The following ACTC1 variants were observed in gnomAD, a reference collection of about 807,000 sequenced individuals.
ACTC1 encodes the protein actin alpha cardiac muscle 1.
Under a neutral mutation model 31.6 loss-of-function variants are expected in ACTC1, and 10 were observed. That is an observed-to-expected ratio of 0.32 (90% CI 0.19 to 0.54). The LOEUF (loss-of-function observed/expected upper bound fraction) is 0.54. Among genes scored for constraint, ACTC1 ranks in the 20% least tolerant of loss-of-function variants. The pLI, the probability that ACTC1 is intolerant of heterozygous loss-of-function variation, is 0.95. For missense variants in ACTC1, 129 were observed against 506.4 expected (o/e 0.25, Z 7.15); for synonymous variants, 196 against 185.0 (o/e 1.06, Z -0.48).
chr15:34,793,704 C>A lies in ACTC1; in HGVS notation c.130-135G>T. ...AGAAATAACAAGCAATACGATTTTA[C>A]CCCAATTTAGAAGAATTATTTAAAA... On this transcript the variant is annotated intron_variant, in intron 2 of 6. Transcript: ENST00000290378. This position sits in a 1 kb window ranked among gnomAD's most constrained non-coding sequence, Gnocchi z 4.8. 1 of 815,758 alleles carries A rather than the reference C, an allele frequency of 1.2e-6. No homozygotes were observed. Among genetic ancestry groups the A allele is most frequent in the Non-Finnish European group, 2.0e-6 (1 of 503,454 alleles). The allele number at this position is 815,758 out of a possible 1,614,324, so 50.5% of individuals were successfully genotyped here. A position where few individuals can be genotyped will look rare whatever the true frequency, so the allele number is the denominator to read the frequency against.
chr15:34,792,344 GC>G lies in ACTC1; in HGVS notation c.616+63del. On this transcript the variant is annotated intron_variant, in intron 4 of 6. Coordinates refer to ENST00000290378, the MANE Select transcript of ACTC1 (RefSeq NM_005159.5). The surrounding 1 kb of genome is among the most constrained non-coding windows in gnomAD (Gnocchi z 5.3). The stretch of plus-strand genomic sequence containing the variant: ...CAAGAAGTCAATTATAGGGAGGTAG[GC>G]GGATTCAGTGAGAGAGGAGGAAAGC... 1.2e-6 allele frequency: 2 copies of G among 1,613,924 alleles called. No individual in the cohort carries two copies. Among genetic ancestry groups the G allele is most frequent in the Non-Finnish European group, 1.7e-6 (2 of 1,179,778 alleles).
In ACTC1 at chr15:34,793,125, C is replaced by A. The variant is rs1891741384; in HGVS notation, c.454+120G>T. 10 of 1,040,276 alleles carry A rather than the reference C, an allele frequency of 9.6e-6. No individual in the cohort carries two copies. Among genetic ancestry groups the A allele is most frequent in the Non-Finnish European group, 1.3e-5 (9 of 689,714 alleles). The allele number at this position is 1,040,276 out of a possible 1,614,324, so 64.4% of individuals were successfully genotyped here. On this transcript the variant is annotated intron_variant, in intron 3 of 6. Transcript: ENST00000290378. The surrounding 1 kb of genome is among the most constrained non-coding windows in gnomAD (Gnocchi z 4.8). ...TGTTAACTCTTTCTCTTAGCACAGA[C>A]CTTGCTAGGGAATGGGAGGAAAGGG... is the stretch of plus-strand genomic sequence containing the variant.
rs576925720 is a variant in ACTC1 at position 34,792,964 on chromosome 15, G to C, written c.454+281C>G. On this transcript the variant is annotated intron_variant, in intron 3 of 6. Transcript: ENST00000290378. The surrounding 1 kb of genome is among the most constrained non-coding windows in gnomAD (Gnocchi z 5.3). The stretch of plus-strand genomic sequence containing the variant: ...GGGATGCTTGCCCAGGTGATGTGAT[G>C]GTTTAAACACATAACAATGACTGCT... 49 of 538,314 alleles carry C rather than the reference G, an allele frequency of 9.1e-5. No individual in the cohort carries two copies. The highest frequency in any genetic ancestry group is 8.0e-4 in the African/African-American group (42 of 52,662). The allele number at this position is 538,314 out of a possible 1,614,324, so 33.3% of individuals were successfully genotyped here.
In ACTC1 at chr15:34,790,259, A is replaced by C; in HGVS notation, c.*153T>G. Reference sequence around the variant, plus strand: ...TTGCAAGTCCTGGTCTGGTTTATTTATAAAGCAATAAATATTAGAAGCACA... The same window carrying C: ...TTGCAAGTCCTGGTCTGGTTTATTTCTAAAGCAATAAATATTAGAAGCACA... On this transcript the variant is annotated 3_prime_UTR_variant, in exon 7 of 7. Transcript: ENST00000290378. 1 of 1,074,828 alleles carries C rather than the reference A, an allele frequency of 9.3e-7. No individual in the cohort carries two copies. The highest frequency in any genetic ancestry group is 1.6e-5 in the African/African-American group (1 of 63,882). 66.6% of individuals were successfully genotyped at this position (1,074,828 alleles called of 1,614,324 possible).
Position 34,792,841 on chromosome 15 carries a change from A to G in ACTC1, c.455-272T>C, listed in dbSNP as rs1009201534. On this transcript the variant is annotated intron_variant, in intron 3 of 6. Coordinates refer to ENST00000290378, the MANE Select transcript of ACTC1 (RefSeq NM_005159.5). This position sits in a 1 kb window ranked among gnomAD's most constrained non-coding sequence, Gnocchi z 5.3. ...CATCTTTCTTGTCAGCCACGAGCACATTATGTAAGCACCCAAGGGTGTTTT... is the reference window on the plus strand; with the variant it reads ...CATCTTTCTTGTCAGCCACGAGCACGTTATGTAAGCACCCAAGGGTGTTTT... The G allele has an allele frequency of 7.5e-6, 4 of 533,106 alleles. No individual in the cohort carries two copies. In the Admixed American group the frequency reaches 1.3e-4, roughly 17 times the overall value. 33.0% of individuals were successfully genotyped at this position (533,106 alleles called of 1,614,324 possible).
At chr15:34,795,351 TAA>T (rs3059225) in intron 1 of ACTC1, among the ~76,000 whole-genome samples, 153 bp downstream of exon 1, 82 of 136,510 alleles carry the variant, frequency 6.0e-4, no homozygotes, top group Non-Finnish European at 7.5e-4. Flanking sequence ...GTGTGGGCTT[TAA>T]AAAAAAAAAA....
chr15:34,792,634 G>A lies in ACTC1; in HGVS notation c.455-65C>T. The A allele has an allele frequency of 6.4e-7, 1 of 1,566,908 alleles. No individual in the cohort carries two copies. Among genetic ancestry groups the A allele is most frequent in the Non-Finnish European group, 8.8e-7 (1 of 1,138,340 alleles). ...GGACAACACCACTGCTCTAGCCACG[G>A]CAAAGCCCGCTTCCAATCTTGGCTA... On this transcript the variant is annotated intron_variant, in intron 3 of 6. Coordinates refer to ENST00000290378, the MANE Select transcript of ACTC1 (RefSeq NM_005159.5). The surrounding 1 kb of genome is among the most constrained non-coding windows in gnomAD (Gnocchi z 5.3).
At chr15:34,791,378 G>C (rs1595760467) in intron 5 of ACTC1, 83 bp from the exon 6 acceptor site, 1 of 1,551,608 alleles carries the variant, frequency 6.4e-7, no homozygotes, top group East Asian at 2.3e-5. Flanking sequence ...GGTCAAGGTA[G>C]AGGGAAGAGA....
At chr15:34,794,623 T>C in intron 2 of ACTC1, 57 bp downstream of exon 2, 1 of 1,578,202 alleles carries the variant, frequency 6.3e-7, no homozygotes, top group Non-Finnish European at 8.6e-7. Flanking sequence ...AGCCATTTCC[T>C]AGATCGCTGG....
chr15:34,791,466 T>C (rs1891707319), intron 5 of ACTC1, among the ~76,000 whole-genome samples, 171 bp from the exon 6 acceptor site: 1 of 151,920 alleles, frequency 6.6e-6, no homozygotes, highest in Non-Finnish European at 1.5e-5. Context: ...CACTGCAGGG[T>C]GGAATGGGTG....
At chr15:34,790,816 T>C (rs926746146) in intron 6 of ACTC1, among the ~76,000 whole-genome samples, 7 of 152,224 alleles carry the variant, frequency 4.6e-5, no homozygotes, top group East Asian at 1.9e-4. Flanking sequence ...ACAAGCTAAA[T>C]GTGTAGTGGA....
Position 34,793,607 on chromosome 15 carries a change from A to G in ACTC1, c.130-38T>C, listed in dbSNP as rs1891754845. The G allele has an allele frequency of 6.4e-7, 1 of 1,574,354 alleles. No individual in the cohort carries two copies. The highest frequency in any genetic ancestry group is 2.2e-5 in the East Asian group (1 of 44,628). On this transcript the variant is annotated intron_variant, in intron 2 of 6. Coordinates refer to ENST00000290378, the MANE Select transcript of ACTC1 (RefSeq NM_005159.5). The surrounding 1 kb of genome is among the most constrained non-coding windows in gnomAD (Gnocchi z 4.8). Reference sequence around the variant, plus strand: ...AAAATGAGAAAATCATGCTCTCACCATGTCAGGAATATAATCAGTGTCTTG... The same window carrying G: ...AAAATGAGAAAATCATGCTCTCACCGTGTCAGGAATATAATCAGTGTCTTG...
chr15:34,791,860 G>A (rs186732149), intron 5 of ACTC1: 104 of 558,764 alleles, frequency 1.9e-4, no homozygotes, highest in Non-Finnish European at 2.7e-4. Context: ...ACTACTCTGT[G>A]TCATCCTTTA....
In ACTC1 at chr15:34,793,667, T is replaced by C. The variant is rs1595761551; in HGVS notation, c.130-98A>G. 1.8e-6 allele frequency: 2 copies of C among 1,106,236 alleles called. No homozygotes were observed. The highest frequency in any genetic ancestry group is 5.0e-5 in the East Asian group (2 of 40,022). 68.5% of individuals were successfully genotyped at this position (1,106,236 alleles called of 1,614,324 possible). A position where few individuals can be genotyped will look rare whatever the true frequency, so the allele number is the denominator to read the frequency against. ...ATCTAACTGCCCAAGTCAAGGAACA[T>C]ATTTAAATACCAGAAATAACAAGCA... On this transcript the variant is annotated intron_variant, in intron 2 of 6. Transcript: ENST00000290378. The surrounding 1 kb of genome is among the most constrained non-coding windows in gnomAD (Gnocchi z 4.8).
At position 34,792,676 on chromosome 15, in the gene ACTC1, G is replaced by C; in HGVS notation, c.455-107C>G. The C allele has an allele frequency of 8.5e-7, 1 of 1,179,432 alleles. No homozygotes were observed. The highest frequency in any genetic ancestry group is 1.3e-6 in the Non-Finnish European group (1 of 797,038). 73.1% of individuals were successfully genotyped at this position (1,179,432 alleles called of 1,614,324 possible). A position where few individuals can be genotyped will look rare whatever the true frequency, so the allele number is the denominator to read the frequency against. On this transcript the variant is annotated intron_variant, in intron 3 of 6. Transcript: ENST00000290378. The surrounding 1 kb of genome is among the most constrained non-coding windows in gnomAD (Gnocchi z 5.3). ...TCTTGGCTAAGAGATGCTAGCAATGGGCATTGATCCAGATAAAATTAGATT... is the reference window on the plus strand; with the variant it reads ...TCTTGGCTAAGAGATGCTAGCAATGCGCATTGATCCAGATAAAATTAGATT...
At chr15:34,791,339 A>AT in intron 5 of ACTC1, 44 bp from the exon 6 acceptor site, 1 of 1,007,134 alleles carries the variant, frequency 9.9e-7, no homozygotes, top group Non-Finnish European at 1.4e-6. Flanking sequence ...ACACACACAC[A>AT]CACACACACA....
chr15:34,793,087 C>T lies in ACTC1; in HGVS notation c.454+158G>A, dbSNP rs1401443890. On this transcript the variant is annotated intron_variant, in intron 3 of 6. Coordinates refer to ENST00000290378, the MANE Select transcript of ACTC1 (RefSeq NM_005159.5). This position sits in a 1 kb window ranked among gnomAD's most constrained non-coding sequence, Gnocchi z 4.8. ...ACAATAATTGTGCTCCGAAACTAAC[C>T]TCAGGGCACTACTGTTAACTCTTTC... Among the ~76,000 whole-genome samples the T allele has an allele frequency of 6.6e-6, 1 of 152,194 alleles. No homozygotes were observed. Among genetic ancestry groups the T allele is most frequent in the African/African-American group, 2.4e-5 (1 of 41,446 alleles).
chr15:34,795,312 G>C (rs891819587), intron 1 of ACTC1, among the ~76,000 whole-genome samples, 194 bp downstream of exon 1: 2 of 148,866 alleles, frequency 1.3e-5, no homozygotes, highest in African/African-American at 2.5e-5. Flanking sequence ...CAACGCCCAG[G>C]ACAAAACAAG....
chr15:34,794,851 G>A, intron 1 of ACTC1, 21 bp from the exon 2 acceptor site: 1 of 1,603,964 alleles, frequency 6.2e-7, no homozygotes. Context: ...AGGAGGGGAG[G>A]GCGGACCACG....
Sources: allele counts gnomAD v4.1 joint callset (sites outside exome capture counted in the v4.1 genomes callset), GRCh38; gene constraint gnomAD v4.1.1; non-coding constraint Gnocchi (gnomAD v3.1); transcripts MANE v1.5; gene names NCBI Gene and HGNC (gene_info 2026-07-23, HGNC 2026-07-21).